ANKS1B: variants seen among roughly 807,000 people sequenced by gnomAD.
ANKS1B encodes ankyrin repeat and sterile alpha motif domain containing 1B.
Under a neutral mutation model 148.3 loss-of-function variants are expected in ANKS1B, and 36 were observed. That is an observed-to-expected ratio of 0.24 (90% CI 0.19 to 0.32). The LOEUF is 0.32. ANKS1B is among the 10% of genes least tolerant of loss of function. The probability of loss-of-function intolerance (pLI) is 1.00; values close to 1 mark genes in which losing one functional copy is unlikely to be tolerated. For synonymous variants in ANKS1B, 542 were observed against 560.8 expected, an observed-to-expected ratio of 0.97 and a Z score of 0.47; for missense variants, 1,157 against 1,542.6, an observed-to-expected ratio of 0.75 and a Z score of 4.19.
At chr12:99,490,447 T>C (rs2096544362) in intron 10 of ANKS1B, among the ~76,000 whole-genome samples, 1 of 152,264 alleles carries the variant, frequency 6.6e-6, no homozygotes, top group Non-Finnish European at 1.5e-5. Flanking sequence ...GTACATTATT[T>C]ATTGACTGAG....
chr12:99,202,705 C>T (rs1363539689), intron 14 of ANKS1B, among the ~76,000 whole-genome samples: 1 of 152,182 alleles, frequency 6.6e-6, no homozygotes, highest in Non-Finnish European at 1.5e-5. Context: ...TTATCTATTG[C>T]TGTATAACAA....
rs760851661 is a variant in ANKS1B at position 99,246,663 on chromosome 12, A to G, written c.1958T>C (p.Ile653Thr). 10 of 1,613,712 alleles carry G rather than the reference A, an allele frequency of 6.2e-6. No homozygotes were observed. The highest frequency in any genetic ancestry group is 4.0e-5 in the African/African-American group (3 of 74,888). The change falls in exon 13 of 27, where the codon ATA (isoleucine) becomes ACA (threonine). Residue 653 changes from isoleucine to threonine, a missense_variant. By Grantham distance (89) the Ile-to-Thr change is moderately conservative. This residue lies in a region of ANKS1B where 661 missense variants were observed against 642.1 expected (regional missense o/e 1.03). Transcript: ENST00000683438. The stretch of plus-strand genomic sequence containing the variant: ...TACCAAAGGTTCTGAGTTATTTTCT[A>G]TTGGAGACTGCTTGAAAGGCAAAGG... ...NSPLPFKQSPIENNSEPLVKK... is the reference protein window; with the variant it reads ...NSPLPFKQSPTENNSEPLVKK...
chr12:98,955,167 T>C (rs2099860189), intron 17 of ANKS1B, among the ~76,000 whole-genome samples: 1 of 152,120 alleles, frequency 6.6e-6, no homozygotes, highest in South Asian at 2.1e-4. Context: ...TAGAGGACGA[T>C]AAGTACTGCA....
chr12:99,837,164 T>A (rs2084986445), intron 1 of ANKS1B, among the ~76,000 whole-genome samples: 1 of 152,044 alleles, frequency 6.6e-6, no homozygotes, highest in Non-Finnish European at 1.5e-5. Flanking sequence ...GCTCTAAAGA[T>A]GGAAGAGGGT....
At chr12:98,999,403 T>C (rs976189903) in intron 17 of ANKS1B, among the ~76,000 whole-genome samples, 9 of 152,202 alleles carry the variant, frequency 5.9e-5, no homozygotes, top group Admixed American at 3.9e-4. Flanking sequence ...GCCCTGGTCA[T>C]TCTGTTTCCC....
chr12:99,612,975 C>T (rs780164641), intron 9 of ANKS1B, among the ~76,000 whole-genome samples: 5 of 152,054 alleles, frequency 3.3e-5, no homozygotes, highest in South Asian at 2.1e-4. Flanking sequence ...CTAGTGATAA[C>T]CCTGAGCCAA....
chr12:99,212,455 T>C (rs1221207081), intron 14 of ANKS1B, among the ~76,000 whole-genome samples: 1 of 152,178 alleles, frequency 6.6e-6, no homozygotes, highest in Non-Finnish European at 1.5e-5. Flanking sequence ...CCTTGCCAGC[T>C]GACAGAAGTA....
At chr12:99,943,909 C>T (rs930119756) in intron 1 of ANKS1B, among the ~76,000 whole-genome samples, 2 of 151,980 alleles carry the variant, frequency 1.3e-5, no homozygotes, top group African/African-American at 2.4e-5. Context: ...CACCCATCAA[C>T]CCATCATCTA....
intron 12 of ANKS1B, among the ~76,000 whole-genome samples, chr12:99,305,032 G>A (rs2082162126): frequency 7.2e-5 from 11 of 152,072 alleles, no homozygotes; most frequent in Admixed American, 7.2e-4. Flanking sequence ...TGAGGCCTCA[G>A]GAAGCTTACA....
intron 17 of ANKS1B, among the ~76,000 whole-genome samples, chr12:98,880,632 G>A (rs2099704935): frequency 6.6e-6 from 1 of 152,106 alleles, no homozygotes; most frequent in African/African-American, 2.4e-5. Flanking sequence ...GCTGGGCGTG[G>A]TGGCGGGCGC....
At chr12:99,376,239 G>C (rs1365490228) in intron 12 of ANKS1B, among the ~76,000 whole-genome samples, 1 of 152,178 alleles carries the variant, frequency 6.6e-6, no homozygotes, top group African/African-American at 2.4e-5. Context: ...AAAAATGCAT[G>C]AGTGGAGTGA....
intron 10 of ANKS1B, among the ~76,000 whole-genome samples, chr12:99,467,338 G>A (rs937333433): frequency 2.6e-5 from 4 of 152,164 alleles, no homozygotes; most frequent in African/African-American, 9.7e-5. Context: ...ATACCATACT[G>A]AATGGGCAAA....
At chr12:99,497,846 TCTCCACCCCCAC>T (rs917702181) in intron 10 of ANKS1B, among the ~76,000 whole-genome samples, 4 of 151,708 alleles carry the variant, frequency 2.6e-5, no homozygotes, top group African/African-American at 9.7e-5. Context: ...TCTCTCTCTC[TCTCCACCCCCAC>T]CTCCACCACC....
chr12:99,323,262 G>A (rs1390662668), intron 12 of ANKS1B, among the ~76,000 whole-genome samples: 1 of 152,128 alleles, frequency 6.6e-6, no homozygotes, highest in African/African-American at 2.4e-5. Flanking sequence ...TCACTGAACT[G>A]TGAATATCCA....
At chr12:99,128,734 G>A (rs1477960413) in intron 15 of ANKS1B, among the ~76,000 whole-genome samples, 5 of 152,188 alleles carry the variant, frequency 3.3e-5, no homozygotes, top group Non-Finnish European at 5.9e-5. Flanking sequence ...TTGAGTAGAA[G>A]TAATCCAATC....
intron 14 of ANKS1B, among the ~76,000 whole-genome samples, chr12:99,194,586 A>G (rs1001237778): frequency 2.6e-5 from 4 of 152,272 alleles, no homozygotes; most frequent in Middle Eastern, 3.4e-3. Context: ...TAAGAGGCCA[A>G]TCAACCATTT....
intron 9 of ANKS1B, among the ~76,000 whole-genome samples, chr12:99,555,020 G>A (rs935774489): frequency 6.6e-6 from 1 of 152,106 alleles, no homozygotes; most frequent in African/African-American, 2.4e-5. Flanking sequence ...TGCTGCAAAA[G>A]ACATGATCTC....
chr12:99,214,028 G>T (rs1013855843), intron 14 of ANKS1B, among the ~76,000 whole-genome samples: 8 of 152,034 alleles, frequency 5.3e-5, no homozygotes, highest in African/African-American at 1.9e-4. Flanking sequence ...CTACTCAGAA[G>T]ATTCAGATTT....
chr12:99,386,326 T>A (rs1364300993), intron 12 of ANKS1B: 1 of 152,188 alleles, frequency 6.6e-6, no homozygotes, highest in African/African-American at 2.4e-5. Flanking sequence ...TAGAATTCTG[T>A]CAGTGGTATT....
Sources: gnomAD v4.1 joint callset for allele counts (sites outside exome capture counted in the v4.1 genomes callset) on GRCh38, gnomAD v4.1.1 for gene constraint, gnomAD v4.1.1 regional missense constraint, MANE v1.5 for transcripts, NCBI Gene and HGNC (gene_info 2026-07-23, HGNC 2026-07-21) for gene names.